Variants in KLHL4 observed in about 807,000 individuals in gnomAD.
KLHL4 encodes the protein kelch like family member 4.
In KLHL4, 17 loss-of-function variants were observed where a neutral mutation model predicts 45.8. The ratio of observed to expected loss-of-function variants is 0.37; its 90% CI spans 0.25 to 0.56. The LOEUF (loss-of-function observed/expected upper bound fraction) is 0.56, where lower values mean the gene tolerates loss of function less well. Ranked by LOEUF, KLHL4 falls within the 20% of genes least tolerant of loss-of-function variation. The pLI is 0.79. For missense variants in KLHL4, 544 were observed against 544.9 expected, an observed-to-expected ratio of 1.00 and a Z score of 0.02; for synonymous variants, 224 against 189.9, an observed-to-expected ratio of 1.18 and a Z score of -1.47.
intron 9 of KLHL4, among the ~76,000 whole-genome samples, chrX:87,660,546 A>C (rs1207153803): frequency 8.9e-6 from 1 of 112,312 alleles, no homozygotes; most frequent in Non-Finnish European, 1.9e-5. Flanking sequence ...TTTCATTGAC[A>C]CTTCAAACTA....
At position 87,610,387 on chromosome X, in the gene KLHL4, G is replaced by GAC. The variant is rs1232516373; in HGVS notation, c.423-3478_423-3477dup. On this transcript the variant is annotated intron_variant, in intron 1 of 10. Transcript: ENST00000373119. ...AATGCAAAGTTCTATTGAAAGTTAG[G>GAC]ACACACACACACATTCAGCAGAAAC... 5.4e-5 allele frequency among the ~76,000 whole-genome samples: 6 copies of GAC among 111,507 alleles called. No individual in the cohort carries two copies. The East Asian group carries it at 1.1e-3, about 21-fold the overall frequency.
At chrX:87,608,106 T>A (rs1922257219) in intron 1 of KLHL4, among the ~76,000 whole-genome samples, 2 of 112,010 alleles carry the variant, frequency 1.8e-5, no homozygotes, top group South Asian at 7.4e-4. Flanking sequence ...TTGGTTTATT[T>A]CTTTAGCATT....
chrX:87,573,364 G>GA (rs1371187969), intron 1 of KLHL4, among the ~76,000 whole-genome samples: 1 of 110,644 alleles, frequency 9.0e-6, no homozygotes, highest in Admixed American at 9.7e-5. Flanking sequence ...ATTAAGAGGT[G>GA]AAAAAGATAG....
chrX:87,571,690 T>A (rs1283482155), intron 1 of KLHL4, among the ~76,000 whole-genome samples: 1 of 111,445 alleles, frequency 9.0e-6, no homozygotes, highest in East Asian at 2.8e-4. Flanking sequence ...AATTTATTCA[T>A]CCTTATCCTT....
chrX:87,587,732 G>GT (rs1921527611), intron 1 of KLHL4, among the ~76,000 whole-genome samples: 1 of 111,094 alleles, frequency 9.0e-6, no homozygotes, highest in Admixed American at 9.6e-5. Context: ...TTTTTCTCTA[G>GT]TATCTGGAAC....
At chrX:87,573,836 A>G (rs988495936) in intron 1 of KLHL4, among the ~76,000 whole-genome samples, 7 of 111,912 alleles carry the variant, frequency 6.3e-5, no homozygotes. Flanking sequence ...AAGTCTTAAA[A>G]TAATTTCAGC....
At chrX:87,539,411 C>T (rs1348609097) in intron 1 of KLHL4, among the ~76,000 whole-genome samples, 1 of 110,495 alleles carries the variant, frequency 9.1e-6, no homozygotes, top group Non-Finnish European at 1.9e-5. Flanking sequence ...TGGAAGGTAA[C>T]TTTATTTTTT....
intron 1 of KLHL4, among the ~76,000 whole-genome samples, chrX:87,524,865 A>T (rs1304588929): frequency 9.0e-6 from 1 of 111,395 alleles, no homozygotes; most frequent in Non-Finnish European, 1.9e-5. Flanking sequence ...GCTTTTCTTT[A>T]AAAAAAATGC....
chrX:87,668,331 C>T lies in KLHL4; in HGVS notation c.*1797C>T. 2 of 753,855 alleles carry T rather than the reference C, an allele frequency of 2.7e-6. No individual in the cohort carries two copies. Among genetic ancestry groups the T allele is most frequent in the Non-Finnish European group, 3.1e-6 (2 of 638,828 alleles). 62.1% of individuals were successfully genotyped at this position (753,855 alleles called of 1,213,427 possible). On this transcript the variant is annotated 3_prime_UTR_variant, in exon 11 of 11. Transcript: ENST00000373119. The stretch of plus-strand genomic sequence containing the variant: ...CCAATCTTCCAGTAACAACGAGGTG[C>T]TACCAATAGGCAGACTGTGTCTAGA...
At chrX:87,619,672 C>T (rs1257869746) in intron 4 of KLHL4, among the ~76,000 whole-genome samples, 2 of 111,405 alleles carry the variant, frequency 1.8e-5, no homozygotes, top group African/African-American at 3.3e-5. Context: ...AAATACATTC[C>T]GAAAAAAGTT....
chrX:87,575,126 A>G (rs1921055238), intron 1 of KLHL4, among the ~76,000 whole-genome samples: 1 of 112,076 alleles, frequency 8.9e-6, no homozygotes, highest in Non-Finnish European at 1.9e-5. Flanking sequence ...CAATGAATAC[A>G]ATCTTTAGCT....
intron 1 of KLHL4, among the ~76,000 whole-genome samples, chrX:87,598,204 G>A (rs1339669308): frequency 1.8e-5 from 2 of 110,388 alleles, no homozygotes; most frequent in East Asian, 2.8e-4. Flanking sequence ...TTATACTAGG[G>A]TTATATTTTG....
At chrX:87,563,573 C>A (rs1932144063) in intron 1 of KLHL4, among the ~76,000 whole-genome samples, 1 of 95,314 alleles carries the variant, frequency 1.0e-5, no homozygotes, top group Admixed American at 1.3e-4. Context: ...AGCTTGAAAA[C>A]AGGCTATTTG....
chrX:87,581,544 C>T (rs984522968), intron 1 of KLHL4, among the ~76,000 whole-genome samples: 1 of 112,603 alleles, frequency 8.9e-6, no homozygotes. Flanking sequence ...TGTTTCACAG[C>T]ATTCACTAGT....
intron 9 of KLHL4, among the ~76,000 whole-genome samples, chrX:87,664,028 A>G (rs1033899423): frequency 1.8e-5 from 2 of 111,883 alleles, no homozygotes; most frequent in Non-Finnish European, 3.8e-5. Context: ...AGTTTTCTTC[A>G]TTGTTCACCT....
chrX:87,620,778 A>C (rs5924070), intron 4 of KLHL4, among the ~76,000 whole-genome samples: 41,657 of 111,405 alleles, frequency 0.37, 5,977 homozygotes, highest in Middle Eastern at 0.47. Flanking sequence ...CAGACAACTC[A>C]TATGACCTGC....
chrX:87,651,403 C>A (rs1015424875), intron 9 of KLHL4, among the ~76,000 whole-genome samples: 1 of 112,153 alleles, frequency 8.9e-6, no homozygotes, highest in Admixed American at 9.4e-5. Context: ...ACTCAAAAGT[C>A]CACAGTTCAA....
chrX:87,663,217 T>A (rs750650754), intron 9 of KLHL4, among the ~76,000 whole-genome samples: 1 of 111,089 alleles, frequency 9.0e-6, no homozygotes, highest in African/African-American at 3.3e-5. Context: ...AGACCATGAC[T>A]CATTCTCTTG....
At chrX:87,586,552 T>A (rs1921479360) in intron 1 of KLHL4, among the ~76,000 whole-genome samples, 1 of 111,206 alleles carries the variant, frequency 9.0e-6, no homozygotes, top group Admixed American at 9.6e-5. Flanking sequence ...TAAATTAAGA[T>A]GGAAATTAAC....
Sources: allele counts gnomAD v4.1 joint callset (sites outside exome capture counted in the v4.1 genomes callset), GRCh38; gene constraint gnomAD v4.1.1; transcripts MANE v1.5; gene names NCBI Gene and HGNC (gene_info 2026-07-23, HGNC 2026-07-21).